Variants in PHF20 observed in about 807,000 individuals in gnomAD.
The protein encoded by PHF20 is PHD finger protein 20.
A neutral mutation model predicts 113.5 loss-of-function variants in PHF20; 23 were observed. The ratio of observed to expected loss-of-function variants is 0.20; its 90% CI spans 0.15 to 0.29. PHF20 has a LOEUF of 0.29. PHF20 is among the 10% of genes least tolerant of loss of function. The pLI, the probability that PHF20 is intolerant of heterozygous loss-of-function variation, is 1.00. For missense variants in PHF20, 943 were observed against 1,219.6 expected, an observed-to-expected ratio of 0.77 and a Z score of 3.38; for synonymous variants, 434 against 457.3, an observed-to-expected ratio of 0.95 and a Z score of 0.65.
chr20:35,792,593 A>G (rs2041579607), intron 1 of PHF20, among the ~76,000 whole-genome samples: 1 of 151,934 alleles, frequency 6.6e-6, no homozygotes, highest in African/African-American at 2.4e-5. Flanking sequence ...GTCAAGTAAA[A>G]GGGACTAATT....
chr20:35,778,495 A>T (rs1178741978), intron 1 of PHF20, among the ~76,000 whole-genome samples: 1 of 152,182 alleles, frequency 6.6e-6, no homozygotes, highest in Non-Finnish European at 1.5e-5. Flanking sequence ...CACGCCTGTA[A>T]TCCCAGCACT....
chr20:35,924,864 G>C (rs1302092414), intron 13 of PHF20, among the ~76,000 whole-genome samples: 4 of 152,058 alleles, frequency 2.6e-5, no homozygotes, highest in Non-Finnish European at 5.9e-5. Flanking sequence ...GCCTCCCAAA[G>C]TGCGGGGATT....
intron 2 of PHF20, among the ~76,000 whole-genome samples, chr20:35,830,488 T>C (rs2042340116): frequency 1.3e-5 from 2 of 152,248 alleles, no homozygotes; most frequent in African/African-American, 2.4e-5. Context: ...TACCACATTT[T>C]ATCTATTCAT....
intron 13 of PHF20, among the ~76,000 whole-genome samples, chr20:35,923,558 C>G (rs2055561888): frequency 1.3e-5 from 2 of 152,274 alleles, no homozygotes; most frequent in Admixed American, 6.5e-5. Context: ...AATTCAAAGT[C>G]CAGAAAGCAC....
At chr20:35,920,137 C>T (rs1031270411) in intron 13 of PHF20, among the ~76,000 whole-genome samples, 1 of 152,190 alleles carries the variant, frequency 6.6e-6, no homozygotes, top group African/African-American at 2.4e-5. Flanking sequence ...TGTAGCCATA[C>T]TTATCCCTAA....
intron 5 of PHF20, among the ~76,000 whole-genome samples, chr20:35,859,123 C>T (rs2054170523): frequency 6.6e-6 from 1 of 152,182 alleles, no homozygotes; most frequent in African/African-American, 2.4e-5. Context: ...ACAGAGCTAT[C>T]ATTTGGCACA....
chr20:35,851,980 T>C (rs2042741342), intron 4 of PHF20, among the ~76,000 whole-genome samples: 1 of 152,040 alleles, frequency 6.6e-6, no homozygotes, highest in Non-Finnish European at 1.5e-5. Flanking sequence ...GTGGTATTGA[T>C]CCCTTGGTCT....
intron 2 of PHF20, among the ~76,000 whole-genome samples, chr20:35,815,589 C>CCA (rs1354671199): frequency 7.9e-5 from 12 of 152,228 alleles, no homozygotes; most frequent in Admixed American, 6.5e-4. Context: ...CCTCAGTCTC[C>CCA]TGAGTAGCTG....
intron 1 of PHF20, among the ~76,000 whole-genome samples, chr20:35,795,270 C>G (rs2041644338): frequency 6.6e-6 from 1 of 151,304 alleles, no homozygotes; most frequent in South Asian, 2.1e-4. Flanking sequence ...GAATCTCACT[C>G]TGATGCCTGG....
chr20:35,789,437 A>C (rs567557806), intron 1 of PHF20, among the ~76,000 whole-genome samples: 3 of 151,882 alleles, frequency 2.0e-5, no homozygotes, highest in South Asian at 2.1e-4. Context: ...TCAAAAAAAA[A>C]AAAAAAACAA....
At chr20:35,887,620 T>G (rs1008014441) in intron 9 of PHF20, 1 of 152,150 alleles carries the variant, frequency 6.6e-6, no homozygotes, top group Non-Finnish European at 1.5e-5. Flanking sequence ...GAAAGTGACA[T>G]ACTGTCTCCT....
chr20:35,878,425 T>G (rs2054569396), intron 9 of PHF20: 1 of 456,752 alleles, frequency 2.2e-6, no homozygotes, highest in East Asian at 3.5e-5. Context: ...GAGATTTTCT[T>G]GCTCTAGGGA....
intron 2 of PHF20, among the ~76,000 whole-genome samples, chr20:35,839,985 A>C (rs1040441761): frequency 3.3e-5 from 5 of 152,222 alleles, no homozygotes; most frequent in Non-Finnish European, 7.3e-5. Context: ...AGTTAATGCC[A>C]AGCAAACTGC....
intron 1 of PHF20, among the ~76,000 whole-genome samples, chr20:35,791,649 GA>G (rs2041557468): frequency 1.3e-5 from 2 of 151,106 alleles, no homozygotes; most frequent in African/African-American, 4.9e-5. Flanking sequence ...AGACAGTATT[GA>G]TTTGGATCTG....
chr20:35,854,460 A>G (rs190673768), intron 4 of PHF20, among the ~76,000 whole-genome samples: 215 of 152,304 alleles, frequency 1.4e-3, no homozygotes, highest in Non-Finnish European at 2.4e-3. Flanking sequence ...GGAGAACTCT[A>G]TTATTAGCTA....
At chr20:35,923,348 C>A (rs957545276) in intron 13 of PHF20, among the ~76,000 whole-genome samples, 1 of 151,888 alleles carries the variant, frequency 6.6e-6, no homozygotes, top group African/African-American at 2.4e-5. Context: ...CACCCGTAAT[C>A]CTAGCACTTT....
At chr20:35,823,990 A>G (rs1027135961) in intron 2 of PHF20, among the ~76,000 whole-genome samples, 1 of 152,262 alleles carries the variant, frequency 6.6e-6, no homozygotes, top group African/African-American at 2.4e-5. Context: ...GTTCAAAGAC[A>G]TATGGATTGT....
At chr20:35,835,955 A>G (rs1298560537) in intron 2 of PHF20, among the ~76,000 whole-genome samples, 3 of 152,154 alleles carry the variant, frequency 2.0e-5, no homozygotes, top group African/African-American at 4.8e-5. Context: ...ATAAGATAAA[A>G]TAAAAGAGAA....
intron 13 of PHF20, among the ~76,000 whole-genome samples, chr20:35,924,684 C>G (rs6060686): frequency 0.2 from 30,672 of 151,814 alleles, 3,569 homozygotes; most frequent in South Asian, 0.35. Flanking sequence ...CCTTCCTCTC[C>G]TGGGTTCAAG....
Sources: gnomAD v4.1 joint callset for allele counts (sites outside exome capture counted in the v4.1 genomes callset) on GRCh38, gnomAD v4.1.1 for gene constraint, MANE v1.5 for transcripts, NCBI Gene and HGNC (gene_info 2026-07-23, HGNC 2026-07-21) for gene names.